MEGF11: variants seen among roughly 807,000 people sequenced by gnomAD.
The protein encoded by MEGF11 is multiple epidermal growth factor-like domains protein 11.
MEGF11 carries 126 observed loss-of-function variants against 146.6 expected under a neutral mutation model. The observed-to-expected ratio is 0.86, with a 90% CI of 0.74 to 1.00. MEGF11 has a LOEUF of 1.00. Among genes scored for constraint, MEGF11 ranks in the 50% least tolerant of loss-of-function variants. The pLI is 0.00. For synonymous variants in MEGF11, 532 were observed against 583.4 expected, an observed-to-expected ratio of 0.91 and a Z score of 1.27; for missense variants, 1,509 against 1,521.2, an observed-to-expected ratio of 0.99 and a Z score of 0.13.
In MEGF11 at chr15:66,092,365, T is replaced by C. The variant is rs1020191231; in HGVS notation, c.394+2037A>G. ...TTGGAACCCCTTTTAGAACTTCCCATGGGTTCAATAGCACATGCCTTTGAG... is the reference window on the plus strand; with the variant it reads ...TTGGAACCCCTTTTAGAACTTCCCACGGGTTCAATAGCACATGCCTTTGAG... On this transcript the variant is annotated intron_variant, in intron 5 of 25. Coordinates refer to ENST00000395614, the MANE Select transcript of MEGF11 (RefSeq NM_001385028.1). 3.3e-5 allele frequency among the ~76,000 whole-genome samples: 5 copies of C among 152,346 alleles called. No individual in the cohort carries two copies. In the East Asian group the frequency reaches 9.6e-4, roughly 29 times the overall value.
chr15:66,054,008 C>A (rs568452777), intron 5 of MEGF11, among the ~76,000 whole-genome samples: 27 of 152,160 alleles, frequency 1.8e-4, no homozygotes, highest in African/African-American at 6.3e-4. Context: ...TAGATTTGAG[C>A]CACCATGCCC....
intron 1 of MEGF11, among the ~76,000 whole-genome samples, chr15:66,184,620 A>G (rs559529367): frequency 6.7e-6 from 1 of 148,210 alleles, no homozygotes; most frequent in East Asian, 2.0e-4. Context: ...GGAAGGGTAT[A>G]AAGACCAAAA....
chr15:65,945,545 T>G (rs1434654038), intron 10 of MEGF11, among the ~76,000 whole-genome samples: 1 of 152,100 alleles, frequency 6.6e-6, no homozygotes, highest in African/African-American at 2.4e-5. Flanking sequence ...GCCACGCCAG[T>G]TTATTTATTG....
intron 1 of MEGF11, among the ~76,000 whole-genome samples, chr15:66,138,801 T>G (rs1172871206): frequency 6.6e-6 from 1 of 152,156 alleles, no homozygotes; most frequent in Non-Finnish European, 1.5e-5. Context: ...ACACAGGTTA[T>G]GAGAAGGGCC....
chr15:66,173,083 G>A lies in MEGF11; in HGVS notation c.-8-44672C>T, dbSNP rs547860702. On this transcript the variant is annotated intron_variant, in intron 1 of 25. Coordinates refer to ENST00000395614, the MANE Select transcript of MEGF11 (RefSeq NM_001385028.1). ...CCTCAAACGCCCTCCTCCACAGCAC[G>A]TTCCAGATGTCGGGGACATCCGTCT... Among the ~76,000 whole-genome samples, 96 of 152,256 alleles carry A rather than the reference G, an allele frequency of 6.3e-4. 1 individual carries two copies. The highest frequency in any genetic ancestry group is 1.0e-3 in the Non-Finnish European group (69 of 68,014).
chr15:65,949,349 G>A (rs1158068503), intron 10 of MEGF11, among the ~76,000 whole-genome samples: 2 of 152,168 alleles, frequency 1.3e-5, no homozygotes, highest in South Asian at 2.1e-4. Context: ...CAGAACAGCT[G>A]AGGTTTCTGT....
At chr15:66,252,514 G>A (rs2092389157) in intron 1 of MEGF11, among the ~76,000 whole-genome samples, 1 of 152,132 alleles carries the variant, frequency 6.6e-6, no homozygotes. Context: ...CGGGCTGCGG[G>A]GCACCGATCC....
intron 1 of MEGF11, among the ~76,000 whole-genome samples, chr15:66,241,656 A>G (rs1422581518): frequency 1.3e-5 from 2 of 152,180 alleles, no homozygotes; most frequent in African/African-American, 4.8e-5. Flanking sequence ...ACCCAGGTCC[A>G]GGGCTCCTGT....
chr15:66,021,786 G>A (rs1349476799), intron 5 of MEGF11, among the ~76,000 whole-genome samples: 1 of 152,236 alleles, frequency 6.6e-6, no homozygotes, highest in African/African-American at 2.4e-5. Context: ...GAGGGGAGCC[G>A]AGAGAGCAGG....
At chr15:66,076,845 A>G (rs981515016) in intron 5 of MEGF11, among the ~76,000 whole-genome samples, 7 of 152,162 alleles carry the variant, frequency 4.6e-5, no homozygotes, top group African/African-American at 1.7e-4. Flanking sequence ...GTAGCCCGCC[A>G]TATGTTCTTC....
chr15:65,940,943 CATT>C (rs1335830405), intron 10 of MEGF11, among the ~76,000 whole-genome samples: 2 of 152,300 alleles, frequency 1.3e-5, no homozygotes, highest in African/African-American at 4.8e-5. Context: ...AAATGACAGT[CATT>C]ATAGATTTGT....
rs1268891633 is a variant in MEGF11, at chr15:66,253,688, C to T, written c.-92G>A. 1.4e-5 allele frequency: 2 copies of T among 145,826 alleles called. No individual in the cohort carries two copies. Among genetic ancestry groups the T allele is most frequent in the African/African-American group, 4.9e-5 (2 of 41,102 alleles). The allele number at this position is 145,826 out of a possible 1,614,324, so 9.0% of individuals were successfully genotyped here. On this transcript the variant is annotated 5_prime_UTR_variant, in exon 1 of 26. Coordinates refer to ENST00000395614, the MANE Select transcript of MEGF11 (RefSeq NM_001385028.1). The stretch of plus-strand genomic sequence containing the variant: ...GCCCGAGCCTGGCCAGAGCGCCAGG[C>T]AGGAGCAGGGGGCCGCGAGCAGCCG...
At chr15:66,197,668 C>T (rs984103423) in intron 1 of MEGF11, among the ~76,000 whole-genome samples, 62 of 152,236 alleles carry the variant, frequency 4.1e-4, no homozygotes, top group Non-Finnish European at 8.2e-4. Context: ...GTGATCCGCC[C>T]GCCTCAACCT....
At chr15:65,916,110 A>G in intron 18 of MEGF11, 38 bp downstream of exon 18, 1 of 1,552,444 alleles carries the variant, frequency 6.4e-7, no homozygotes, top group Non-Finnish European at 8.8e-7. Flanking sequence ...GGTAGGGCCC[A>G]GCAGCATCAC....
intron 1 of MEGF11, among the ~76,000 whole-genome samples, chr15:66,208,045 A>G (rs900751581): frequency 1.1e-4 from 17 of 151,680 alleles, no homozygotes; most frequent in Admixed American, 9.9e-4. Flanking sequence ...AGATCACACC[A>G]TTGCCCTCCA....
Position 65,897,905 on chromosome 15 carries a change from GCA to G in MEGF11, c.*27_*28del. 2 of 1,605,080 alleles carry G rather than the reference GCA, an allele frequency of 1.2e-6. No individual in the cohort carries two copies. Among genetic ancestry groups the G allele is most frequent in the Non-Finnish European group, 1.7e-6 (2 of 1,174,698 alleles). On this transcript the variant is annotated 3_prime_UTR_variant, in exon 26 of 26. Transcript: ENST00000395614. ...TTTCAGAGTCAGAATATTCAGTAGA[GCA>G]CACTGCAAGAGAGAAGCTTATCCCT...
chr15:65,910,192 T>C (rs2078756060), intron 21 of MEGF11, among the ~76,000 whole-genome samples: 1 of 152,186 alleles, frequency 6.6e-6, no homozygotes, highest in South Asian at 2.1e-4. Flanking sequence ...GTCTTGAGGC[T>C]GCCTGCAATA....
intron 1 of MEGF11, among the ~76,000 whole-genome samples, chr15:66,247,306 C>A (rs1250749105): frequency 6.6e-6 from 1 of 152,162 alleles, no homozygotes; most frequent in African/African-American, 2.4e-5. Flanking sequence ...ATTATAAATT[C>A]TTTGATTCAG....
chr15:66,225,449 G>A (rs1480278823), intron 1 of MEGF11, among the ~76,000 whole-genome samples: 4 of 152,216 alleles, frequency 2.6e-5, no homozygotes, highest in Non-Finnish European at 5.9e-5. Flanking sequence ...GGAGACCAGC[G>A]CTCAGTGGGT....
Sources: allele counts gnomAD v4.1 joint callset (sites outside exome capture counted in the v4.1 genomes callset), GRCh38; gene constraint gnomAD v4.1.1; transcripts MANE v1.5; gene names NCBI Gene and HGNC (gene_info 2026-07-23, HGNC 2026-07-21).